Variants in TMEM233 observed in about 807,000 individuals in gnomAD.
TMEM233 encodes dispanin subfamily B member 2.
TMEM233 carries 6 observed loss-of-function variants against 11.2 expected under a neutral mutation model. The observed-to-expected ratio is 0.54, with a 90% CI of 0.29 to 1.06. TMEM233 has a LOEUF of 1.06. TMEM233 is among the 50% of genes least tolerant of loss of function. TMEM233 has a pLI of 0.08. For missense variants in TMEM233, 127 were observed against 144.7 expected (o/e 0.88, Z 0.63); for synonymous variants, 59 against 55.8 (o/e 1.06, Z -0.26).
chr12:119,603,218 C>T (rs1954201983), intron 1 of TMEM233, among the ~76,000 whole-genome samples: 1 of 152,148 alleles, frequency 6.6e-6, no homozygotes, highest in Non-Finnish European at 1.5e-5. Context: ...TTGCAGGGAG[C>T]CGAGATCACG....
chr12:119,649,878 G>T, the TMEM233 span, among the ~76,000 whole-genome samples: 503 of 57,234 alleles, frequency 8.8e-3, 3 homozygotes, highest in African/African-American at 0.027. Context: ...AAAAAAAAGG[G>T]CCGGGCGCGT....
chr12:119,596,219 C>T (rs1393810112), intron 1 of TMEM233, among the ~76,000 whole-genome samples: 2 of 152,126 alleles, frequency 1.3e-5, no homozygotes, highest in African/African-American at 4.8e-5. Context: ...CACTGGTGCC[C>T]ACATTCTATC....
chr12:119,615,433 C>G lies in TMEM233; in HGVS notation c.187-14303C>G, dbSNP rs1051503002. Among the ~76,000 whole-genome samples, 329 of 152,156 alleles carry G rather than the reference C, an allele frequency of 2.2e-3. 7 individuals carry two copies. The highest frequency in any genetic ancestry group is 2.7e-3 in the South Asian group (13 of 4,826). On this transcript the variant is annotated intron_variant, in intron 1 of 2. Coordinates refer to ENST00000426426, the MANE Select transcript of TMEM233 (RefSeq NM_001136534.3). ...TCAAGTCTAGCTGCACTCAGGATAA[C>G]CTGAAAAACTTTCAAAAAAAAATTC...
At chr12:119,651,880 A>G in the TMEM233 span, among the ~76,000 whole-genome samples, 1 of 150,676 alleles carries the variant, frequency 6.6e-6, no homozygotes, top group African/African-American at 2.4e-5. Context: ...GCTCTTAGAA[A>G]TTTTTATTCT....
intron 1 of TMEM233, among the ~76,000 whole-genome samples, chr12:119,601,844 C>T (rs1245549718): frequency 6.6e-6 from 1 of 151,910 alleles, no homozygotes; most frequent in Admixed American, 6.6e-5. Flanking sequence ...AAGTCATGGG[C>T]GAATGTGCCT....
chr12:119,637,168 A>G (rs529882790), intron 2 of TMEM233, among the ~76,000 whole-genome samples: 1 of 152,346 alleles, frequency 6.6e-6, no homozygotes, highest in East Asian at 1.9e-4. Context: ...AGGAACATAA[A>G]TAGTTGATCT....
intron 1 of TMEM233, among the ~76,000 whole-genome samples, chr12:119,616,486 T>G (rs1954536642): frequency 6.6e-6 from 1 of 152,134 alleles, no homozygotes; most frequent in Non-Finnish European, 1.5e-5. Context: ...CTTATGAAAT[T>G]ATGAGTGCTA....
In TMEM233 at chr12:119,601,994, G is replaced by GGTT. The variant is rs1292010016; in HGVS notation, c.186+7962_186+7964dup. ...ACAGAAGATGCAGTTGATAATGGAT[G>GGTT]GTTGGCCTGAAGGCTTTATCACAAC... On this transcript the variant is annotated intron_variant, in intron 1 of 2. Transcript: ENST00000426426. Among the ~76,000 whole-genome samples, 10 of 152,288 alleles carry GGTT rather than the reference G, an allele frequency of 6.6e-5. No homozygotes were observed. The South Asian group carries it at 2.1e-3, about 32-fold the overall frequency.
chr12:119,605,922 G>A (rs932590312), intron 1 of TMEM233, among the ~76,000 whole-genome samples: 3 of 152,088 alleles, frequency 2.0e-5, no homozygotes, highest in Non-Finnish European at 2.9e-5. Flanking sequence ...TATTTATGGA[G>A]AGAAAAAGCC....
the TMEM233 span, among the ~76,000 whole-genome samples, chr12:119,654,174 T>C: frequency 9.2e-5 from 14 of 151,946 alleles, no homozygotes; most frequent in Non-Finnish European, 1.9e-4. Context: ...TCAGAAACAA[T>C]TAAATACAGA....
At chr12:119,625,849 A>G (rs1954744935) in intron 1 of TMEM233, among the ~76,000 whole-genome samples, 1 of 152,210 alleles carries the variant, frequency 6.6e-6, no homozygotes, top group Non-Finnish European at 1.5e-5. Flanking sequence ...TAAAATACAA[A>G]TATCACACTC....
chr12:119,638,099 G>T (rs1312850829), intron 2 of TMEM233, among the ~76,000 whole-genome samples: 1 of 152,180 alleles, frequency 6.6e-6, no homozygotes, highest in African/African-American at 2.4e-5. Flanking sequence ...CAGGTGCACA[G>T]AAATGCATGT....
chr12:119,610,179 A>G (rs1332433582), intron 1 of TMEM233, among the ~76,000 whole-genome samples: 8 of 152,282 alleles, frequency 5.3e-5, no homozygotes, highest in South Asian at 2.1e-4. Flanking sequence ...GCCCTATTGG[A>G]TTTTGGACTT....
At chr12:119,605,518 C>T (rs1315707346) in intron 1 of TMEM233, among the ~76,000 whole-genome samples, 1 of 147,838 alleles carries the variant, frequency 6.8e-6, no homozygotes, top group Admixed American at 7.1e-5. Flanking sequence ...GCCTTGACCT[C>T]CCCAGGCTAA....
At chr12:119,647,686 A>G (rs1053336823), downstream of TMEM233, among the ~76,000 whole-genome samples, 6 of 152,124 alleles carry the variant, frequency 3.9e-5, no homozygotes, top group African/African-American at 1.4e-4. Flanking sequence ...TATGTGTGCC[A>G]TGGTGGTTTG....
Position 119,641,076 on chromosome 12 carries a change from A to C in TMEM233, c.*371A>C. 1 of 225,262 alleles carries C rather than the reference A, an allele frequency of 4.4e-6. No homozygotes were observed. The highest frequency in any genetic ancestry group is 8.7e-6 in the Non-Finnish European group (1 of 115,242). 14.0% of individuals were successfully genotyped at this position (225,262 alleles called of 1,614,324 possible). On this transcript the variant is annotated 3_prime_UTR_variant, in exon 3 of 3. Transcript: ENST00000426426. ...CTGAGGGGATCCAGGGGGTCTCCAT[A>C]TAGGGGGAGATGGAGGTTTCTAGGA...
chr12:119,635,813 CACTT>C (rs112662790), intron 2 of TMEM233, among the ~76,000 whole-genome samples: 1,631 of 152,264 alleles, frequency 0.011, 30 homozygotes, highest in African/African-American at 0.037. Flanking sequence ...CTCAAGGCAA[CACTT>C]ACTTATGTTT....
At chr12:119,611,811 A>G (rs1351432407) in intron 1 of TMEM233, among the ~76,000 whole-genome samples, 1 of 151,704 alleles carries the variant, frequency 6.6e-6, no homozygotes, top group African/African-American at 2.4e-5. Flanking sequence ...TCTGAACTCA[A>G]CTCCTAAGTC....
rs1032889199 is a variant in TMEM233, at chr12:119,593,858, T to A, written c.10T>A (p.Tyr4Asn). The A allele has an allele frequency of 6.4e-7, 1 of 1,551,520 alleles. No individual in the cohort carries two copies. Among genetic ancestry groups the A allele is most frequent in the African/African-American group, 1.4e-5 (1 of 73,178 alleles). ...GCCGCCGGCCTCGCCCATGTCTCAG[T>A]ACGCCCCTAGCCCGGACTTCAAGAG... MSQYAPSPDFKRAL... is the reference protein window; with the variant it reads MSQNAPSPDFKRAL... The change falls in exon 1 of 3, where the codon TAC becomes AAC. Residue 4 changes from tyrosine (Y) to asparagine (N), a missense_variant. Physicochemically the swap from Tyr to Asn is moderately radical, Grantham distance 143. Coordinates refer to ENST00000426426, the MANE Select transcript of TMEM233 (RefSeq NM_001136534.3). This position sits in a 1 kb window ranked among gnomAD's most constrained non-coding sequence, Gnocchi z 4.1.
Sources: gnomAD v4.1 joint callset for allele counts (sites outside exome capture counted in the v4.1 genomes callset) on GRCh38, gnomAD v4.1.1 for gene constraint, Gnocchi (gnomAD v3.1) non-coding constraint, MANE v1.5 for transcripts, NCBI Gene and HGNC (gene_info 2026-07-23, HGNC 2026-07-21) for gene names.